Variants in ADGRG2 observed in about 807,000 individuals in gnomAD.
The protein encoded by ADGRG2 is G protein-coupled receptor 64.
Under a neutral mutation model 74.1 loss-of-function variants are expected in ADGRG2, and 26 were observed. That is an observed-to-expected ratio of 0.35 (90% CI 0.26 to 0.49). The LOEUF is 0.49. ADGRG2 is among the 20% of genes least tolerant of loss of function. ADGRG2 has a pLI of 0.99. For missense variants in ADGRG2, 619 were observed against 763.1 expected (o/e 0.81, Z 2.22); for synonymous variants, 296 against 295.2 (o/e 1.00, Z -0.03).
chrX:19,094,995 G>A (rs2062072578), intron 1 of ADGRG2, among the ~76,000 whole-genome samples: 1 of 112,071 alleles, frequency 8.9e-6, no homozygotes, highest in South Asian at 3.7e-4. Flanking sequence ...CCGGCAAACA[G>A]CAACTTGACA....
At chrX:19,072,418 T>A (rs758011502) in intron 2 of ADGRG2, among the ~76,000 whole-genome samples, 1 of 111,756 alleles carries the variant, frequency 8.9e-6, no homozygotes, top group Non-Finnish European at 1.9e-5. Flanking sequence ...GTGAAAGACA[T>A]CAAGTTCAAA....
At position 18,990,981 on chromosome X, in the gene ADGRG2, A is replaced by G. The variant is rs747216297; in HGVS notation, c.2937T>C (p.Asp979=). 1 of 1,201,051 alleles carries G rather than the reference A, an allele frequency of 8.3e-7. No homozygotes were observed. The highest frequency in any genetic ancestry group is 3.0e-5 in the East Asian group (1 of 33,755). Residue 979 remains aspartate, a synonymous_variant, in exon 29 of 29, where the codon GAT becomes GAC. Transcript: ENST00000379869. ...SVQNGDVCLH[D]FTGKQHMFNE... is the part of the protein sequence containing the mutation. ...TAAACATGTGCTGTTTTCCAGTGAA[A>G]TCGTGAAGGCACACATCTCCATTCT...
chrX:19,101,284 G>A (rs890735975), intron 1 of ADGRG2, among the ~76,000 whole-genome samples: 1 of 111,487 alleles, frequency 9.0e-6, no homozygotes, highest in Admixed American at 9.6e-5. Context: ...AGTATTAAAT[G>A]AGATGAAAGT....
Position 19,036,616 on chromosome X carries a change from A to AACACACACAC in ADGRG2, c.227-649_227-640dup, listed in dbSNP as rs534574581. Among the ~76,000 whole-genome samples the AACACACACAC allele has an allele frequency of 8.9e-3, 847 of 94,651 alleles. 10 individuals are homozygous for AACACACACAC. Among genetic ancestry groups the AACACACACAC allele is most frequent in the East Asian group, 0.032 (95 of 2,951 alleles). 82.2% of individuals were successfully genotyped at this position (94,651 alleles called of 115,157 possible). On this transcript the variant is annotated intron_variant, in intron 6 of 28. Coordinates refer to ENST00000379869, the MANE Select transcript of ADGRG2 (RefSeq NM_001079858.3). ...AAGGCATTTATTACATCATACTTAA[A>AACACACACAC]ACACACACACACACACACACACACA... is the stretch of plus-strand genomic sequence containing the variant.
chrX:19,111,835 A>G lies in ADGRG2; in HGVS notation c.-47+10607T>C, dbSNP rs1387592657. On this transcript the variant is annotated intron_variant, in intron 1 of 28. Coordinates refer to ENST00000379869, the MANE Select transcript of ADGRG2 (RefSeq NM_001079858.3). ...GAAACAATGCATAATTAAGTCCTTT[A>G]CAATTTGTGCACTAAAATAATTAAG... Among the ~76,000 whole-genome samples, 3 of 111,279 alleles carry G rather than the reference A, an allele frequency of 2.7e-5. No homozygotes were observed. The Admixed American group carries it at 2.9e-4, about 11-fold the overall frequency.
At chrX:19,105,627 T>C (rs773506159) in intron 1 of ADGRG2, among the ~76,000 whole-genome samples, 6 of 110,984 alleles carry the variant, frequency 5.4e-5, no homozygotes, top group Non-Finnish European at 1.1e-4. Flanking sequence ...ATACCTAATG[T>C]AGGTGATGAG....
At chrX:19,076,184 A>G (rs550096004) in intron 2 of ADGRG2, among the ~76,000 whole-genome samples, 3 of 111,845 alleles carry the variant, frequency 2.7e-5, no homozygotes, top group Non-Finnish European at 5.6e-5. Flanking sequence ...ATGGCTTGCA[A>G]TGAGGAAGGG....
chrX:18,994,991 G>A lies in ADGRG2; in HGVS notation c.2774C>T (p.Ser925Phe). Residue 925 changes from serine to phenylalanine, a missense_variant, in exon 28 of 29, where the codon TCC becomes TTC. Around this residue, in one of 3 missense-constraint regions of ADGRG2, gnomAD observed 106 missense variants for 104.5 expected, o/e 1.01. Transcript: ENST00000379869. Reference protein sequence around the residue: ...LKKQTVNQGVSSSSNSLQSSS... With the variant: ...LKKQTVNQGVFSSSNSLQSSS... Reference sequence around the variant, plus strand: ...TGACTGTAAGGAATTTGAAGAGCTGGACACTCCTTGGTTTACAGTCTGCTT... The same window carrying A: ...TGACTGTAAGGAATTTGAAGAGCTGAACACTCCTTGGTTTACAGTCTGCTT... 1.7e-6 allele frequency: 2 copies of A among 1,199,578 alleles called. No homozygotes were observed. Among genetic ancestry groups the A allele is most frequent in the Non-Finnish European group, 2.3e-6 (2 of 884,662 alleles).
chrX:19,103,189 A>T (rs760382399), intron 1 of ADGRG2, among the ~76,000 whole-genome samples: 1 of 111,178 alleles, frequency 9.0e-6, no homozygotes, highest in East Asian at 2.8e-4. Context: ...GACAAAAATG[A>T]CCTCTGGTTG....
In ADGRG2 at chrX:19,037,470, T is replaced by C. The variant is rs1178133541; in HGVS notation, c.223A>G (p.Asn75Asp). ...GTPEVETTSL[N>D]DVTLSLLPSN... Reference sequence around the variant, plus strand: ...CTTGCTTCAGAAAAATTCTTACCATTGAGGCTTGTTGTTTCAACCTCTTTT... The same window carrying C: ...CTTGCTTCAGAAAAATTCTTACCATCGAGGCTTGTTGTTTCAACCTCTTTT... The change falls in exon 6 of 29, where the codon AAT (asparagine) becomes GAT (aspartate). Residue 75 changes from asparagine (N) to aspartate (D), a missense_variant. By Grantham distance (23) the Asn-to-Asp change is conservative (BLOSUM62 1). This residue lies in a region of ADGRG2 where 292 missense variants were observed against 318.0 expected (regional missense o/e 0.92). Transcript: ENST00000379869. The C allele has an allele frequency of 8.5e-7, 1 of 1,175,573 alleles. No homozygotes were observed. Among genetic ancestry groups the C allele is most frequent in the South Asian group, 1.8e-5 (1 of 54,442 alleles).
intron 13 of ADGRG2, among the ~76,000 whole-genome samples, chrX:19,022,284 T>C (rs2060607963): frequency 9.1e-6 from 1 of 109,760 alleles, no homozygotes; most frequent in African/African-American, 3.3e-5. Flanking sequence ...AAAAAATCTT[T>C]CTGGGAATTC....
chrX:19,018,225 A>G (rs2060508373), intron 15 of ADGRG2, among the ~76,000 whole-genome samples: 2 of 111,265 alleles, frequency 1.8e-5, no homozygotes, highest in Admixed American at 1.9e-4. Flanking sequence ...CCTGGGCTCA[A>G]GTGATTCTCC....
chrX:19,023,357 A>G (rs2060633768), intron 13 of ADGRG2, 59 bp downstream of exon 13: 1 of 705,580 alleles, frequency 1.4e-6, no homozygotes, highest in Non-Finnish European at 2.1e-6. Context: ...AGACTCCTTA[A>G]TACTTTATTT....
intron 3 of ADGRG2, among the ~76,000 whole-genome samples, chrX:19,059,827 G>A (rs2061461060): frequency 9.0e-6 from 1 of 110,718 alleles, no homozygotes; most frequent in Admixed American, 9.6e-5. Flanking sequence ...ACACAGTACT[G>A]GTACTAAAGG....
intron 18 of ADGRG2, among the ~76,000 whole-genome samples, chrX:19,008,628 T>C (rs919301100): frequency 1.0e-4 from 11 of 108,975 alleles, no homozygotes; most frequent in African/African-American, 6.7e-5. Context: ...ATCGCACCAA[T>C]GCACTCAACC....
intron 1 of ADGRG2, among the ~76,000 whole-genome samples, chrX:19,083,849 AAGAT>A (rs2061894323): frequency 8.9e-6 from 1 of 112,455 alleles, no homozygotes; most frequent in African/African-American, 3.2e-5. Context: ...CTTTCAAATG[AAGAT>A]CTGTGATAAG....
chrX:19,012,686 T>C (rs765167672), intron 16 of ADGRG2, among the ~76,000 whole-genome samples: 67 of 105,178 alleles, frequency 6.4e-4, no homozygotes, highest in African/African-American at 2.2e-3. Context: ...GAGAGAGCAG[T>C]GCAAATTTGA....
chrX:19,018,500 A>AT (rs199631388), intron 15 of ADGRG2, among the ~76,000 whole-genome samples: 1,283 of 109,271 alleles, frequency 0.012, 16 homozygotes, highest in African/African-American at 0.041. Context: ...GGGAATCAGT[A>AT]TTTTTTTTTA....
intron 1 of ADGRG2, among the ~76,000 whole-genome samples, chrX:19,114,949 A>C (rs2062483933): frequency 8.9e-6 from 1 of 111,963 alleles, no homozygotes; most frequent in African/African-American, 3.3e-5. Flanking sequence ...AAATGATGAG[A>C]ATTGTACCTG....
Sources: allele counts gnomAD v4.1 joint callset (sites outside exome capture counted in the v4.1 genomes callset), GRCh38; gene constraint gnomAD v4.1.1; regional missense constraint gnomAD v4.1.1; transcripts MANE v1.5; gene names NCBI Gene and HGNC (gene_info 2026-07-23, HGNC 2026-07-21).